Variants in RCOR1 observed in about 807,000 individuals in gnomAD.
RCOR1 encodes REST corepressor 1.
RCOR1 carries 12 observed loss-of-function variants against 64.0 expected under a neutral mutation model. That is an observed-to-expected ratio of 0.19 (90% confidence interval 0.12 to 0.30). The LOEUF is 0.30. Among genes scored for constraint, RCOR1 ranks in the 10% least tolerant of loss-of-function variants. RCOR1 has a pLI of 1.00. For synonymous variants in RCOR1, 279 were observed against 227.2 expected, an observed-to-expected ratio of 1.23 and a Z score of -2.05; for missense variants, 502 against 621.2, an observed-to-expected ratio of 0.81 and a Z score of 2.04.
chr14:102,616,958 A>C (rs1276202242), intron 2 of RCOR1, among the ~76,000 whole-genome samples: 1 of 152,236 alleles, frequency 6.6e-6, no homozygotes, highest in Admixed American at 6.5e-5. Context: ...GCTATTGGTC[A>C]ACTCATTGGC....
At chr14:102,622,156 G>A (rs1306196342) in intron 2 of RCOR1, among the ~76,000 whole-genome samples, 2 of 147,132 alleles carry the variant, frequency 1.4e-5, no homozygotes. Flanking sequence ...TAGGACTGGA[G>A]GAGGGGCTGT....
intron 2 of RCOR1, among the ~76,000 whole-genome samples, chr14:102,595,055 A>G (rs1893214296): frequency 6.6e-6 from 1 of 152,214 alleles, no homozygotes; most frequent in Admixed American, 6.5e-5. Context: ...TCATCGAAAT[A>G]TTGACATCAG....
chr14:102,676,362 G>A (rs1331588933), intron 2 of RCOR1, among the ~76,000 whole-genome samples: 1 of 141,718 alleles, frequency 7.1e-6, no homozygotes, highest in Non-Finnish European at 1.5e-5. Context: ...CCACCCTCCC[G>A]GACGGGGCGG....
intron 2 of RCOR1, among the ~76,000 whole-genome samples, chr14:102,680,961 C>T (rs1292603557): frequency 6.6e-6 from 1 of 152,170 alleles, no homozygotes. Context: ...TGTTACGGTT[C>T]TTTAAAGTAA....
rs139538362 is a variant in RCOR1, at chr14:102,624,729, A to G, written c.361+31404A>G. On this transcript the variant is annotated intron_variant, in intron 2 of 11. Transcript: ENST00000262241. ...TCCAGTGAGCTGAGATCTTACCCCT[A>G]CACTCCAGCCTGGGTGATAGGACGA... Among the ~76,000 whole-genome samples, 438 of 149,668 alleles carry G rather than the reference A, an allele frequency of 2.9e-3. 1 individual carries two copies. Among genetic ancestry groups the G allele is most frequent in the Non-Finnish European group, 4.7e-3 (315 of 67,292 alleles).
intron 4 of RCOR1, among the ~76,000 whole-genome samples, chr14:102,703,216 C>T (rs1461808567): frequency 1.3e-5 from 2 of 152,092 alleles, no homozygotes; most frequent in African/African-American, 4.8e-5. Flanking sequence ...CTAAGGTACC[C>T]TAGGGACACA....
chr14:102,651,513 A>G (rs543386745), intron 2 of RCOR1, among the ~76,000 whole-genome samples: 5 of 151,890 alleles, frequency 3.3e-5, no homozygotes, highest in Admixed American at 3.3e-4. Flanking sequence ...AGATTGCGCC[A>G]CTGCACTCTA....
intron 2 of RCOR1, chr14:102,649,828 G>A: frequency 1.0e-6 from 1 of 965,986 alleles, no homozygotes; most frequent in Non-Finnish European, 1.2e-6. Context: ...CATTAGGAAT[G>A]ATCCTCAAGA....
intron 2 of RCOR1, among the ~76,000 whole-genome samples, chr14:102,622,763 G>T (rs916116250): frequency 6.6e-6 from 1 of 152,092 alleles, no homozygotes; most frequent in Non-Finnish European, 1.5e-5. Flanking sequence ...AGGCTTCACA[G>T]TAGCATGTCC....
intron 2 of RCOR1, among the ~76,000 whole-genome samples, chr14:102,632,717 CCTTT>C: frequency 9.1e-6 from 1 of 110,248 alleles, no homozygotes; most frequent in African/African-American, 3.8e-5. Context: ...CTTTTCCTTT[CCTTT>C]CCTTTCTTCT....
intron 2 of RCOR1, among the ~76,000 whole-genome samples, chr14:102,636,319 C>A (rs1476168401): frequency 6.6e-6 from 1 of 151,886 alleles, no homozygotes; most frequent in East Asian, 1.9e-4. Flanking sequence ...CTCTTGTCGC[C>A]CAGGCTGGAG....
intron 2 of RCOR1, among the ~76,000 whole-genome samples, chr14:102,647,189 G>C (rs1048202333): frequency 3.3e-5 from 5 of 152,178 alleles, no homozygotes; most frequent in Admixed American, 6.6e-5. Context: ...TGAGAATAGA[G>C]AAGATCTCAA....
At chr14:102,709,864 G>A (rs567186906) in intron 6 of RCOR1, among the ~76,000 whole-genome samples, 10 of 152,274 alleles carry the variant, frequency 6.6e-5, no homozygotes, top group African/African-American at 1.9e-4. Context: ...ATATCCTTGA[G>A]TGTGAAATAA....
At chr14:102,707,102 A>G (rs1253440340) in intron 4 of RCOR1, among the ~76,000 whole-genome samples, 2 of 152,078 alleles carry the variant, frequency 1.3e-5, no homozygotes, top group African/African-American at 4.8e-5. Context: ...CTCTTTCTTG[A>G]TACTTATACC....
chr14:102,681,148 C>G (rs1895293750), intron 2 of RCOR1, among the ~76,000 whole-genome samples: 1 of 152,120 alleles, frequency 6.6e-6, no homozygotes, highest in Admixed American at 6.5e-5. Context: ...TATTTAGTTG[C>G]ATTTTTCCCC....
At chr14:102,692,679 A>G (rs2139970746) in intron 3 of RCOR1, among the ~76,000 whole-genome samples, 1 of 150,530 alleles carries the variant, frequency 6.6e-6, no homozygotes, top group East Asian at 2.0e-4. Context: ...ATAATATCAC[A>G]TCTTGTAGCA....
At chr14:102,679,834 A>G (rs1895267751) in intron 2 of RCOR1, among the ~76,000 whole-genome samples, 2 of 152,172 alleles carry the variant, frequency 1.3e-5, no homozygotes, top group Admixed American at 1.3e-4. Context: ...TTTTGTAATT[A>G]GTCTTGATTT....
At chr14:102,706,186 T>C (rs940553171) in intron 4 of RCOR1, among the ~76,000 whole-genome samples, 3 of 140,872 alleles carry the variant, frequency 2.1e-5, no homozygotes, top group Admixed American at 1.4e-4. Context: ...ATAAAAAACT[T>C]TAAGGAATGT....
At chr14:102,713,505 A>G (rs1460969030) in intron 7 of RCOR1, among the ~76,000 whole-genome samples, 1 of 150,390 alleles carries the variant, frequency 6.6e-6, no homozygotes, top group Non-Finnish European at 1.5e-5. Flanking sequence ...GGTGGTCTCA[A>G]TCTCCTGACT....
Sources: gnomAD v4.1 joint callset for allele counts (sites outside exome capture counted in the v4.1 genomes callset) on GRCh38, gnomAD v4.1.1 for gene constraint, MANE v1.5 for transcripts, NCBI Gene and HGNC (gene_info 2026-07-23, HGNC 2026-07-21) for gene names.